The following PEAR1 variants were observed in gnomAD, a reference collection of about 807,000 sequenced individuals.
PEAR1 encodes the protein platelet endothelial aggregation receptor 1.
In PEAR1, 113 loss-of-function variants were observed where a neutral mutation model predicts 131.2. The ratio of observed to expected loss-of-function variants is 0.86; its 90% CI spans 0.74 to 1.01. PEAR1 has a LOEUF of 1.01. Ranked by LOEUF, PEAR1 falls within the 50% of genes least tolerant of loss-of-function variation. PEAR1 has a pLI of 0.00. For missense variants in PEAR1, 1,408 were observed against 1,391.1 expected, an observed-to-expected ratio of 1.01 and a Z score of -0.19; for synonymous variants, 565 against 523.3, an observed-to-expected ratio of 1.08 and a Z score of -1.09.
intron 1 of PEAR1, among the ~76,000 whole-genome samples, 163 bp downstream of exon 1, chr1:156,894,000 C>T (rs906508080): frequency 4.6e-5 from 7 of 152,042 alleles, no homozygotes; most frequent in African/African-American, 1.7e-4. Context: ...TGGAGAGAGA[C>T]GTGAAGGAGG....
In PEAR1 at chr1:156,912,161, TA is replaced by T. The variant is rs1651279476; in HGVS notation, c.1952-83del. ...GTGCCCAGGGAGACCAAAGCTGAGC[TA>T]AAGGCTTCAGTGATGCTGGGGGCTG... On this transcript the variant is annotated intron_variant, in intron 15 of 22. Coordinates refer to ENST00000292357, the MANE Select transcript of PEAR1 (RefSeq NM_001080471.3). 4 of 1,507,978 alleles carry T rather than the reference TA, an allele frequency of 2.7e-6. No individual in the cohort carries two copies. In the Admixed American group the frequency reaches 8.7e-5, roughly 33 times the overall value. The allele number at this position is 1,507,978 out of a possible 1,614,324, so 93.4% of individuals were successfully genotyped here.
chr1:156,909,910 G>A lies in PEAR1; in HGVS notation c.1571G>A (p.Cys524Tyr). The A allele has an allele frequency of 6.2e-7, 1 of 1,609,228 alleles. No individual in the cohort carries two copies. The highest frequency in any genetic ancestry group is 2.2e-5 in the East Asian group (1 of 44,790). ...CATGGGGCCCACTGCCAGCTGCCCT[G>A]TCCGGTGAGTGCTGGACAGCCTGTC... ...GWHGAHCQLP[C>Y]PKGQFGEGCA... Residue 524 changes from cysteine (C) to tyrosine (Y), a missense_variant, in exon 12 of 23, where the codon TGT becomes TAT. Physicochemically the swap from Cys to Tyr is radical, Grantham distance 194 (BLOSUM62 -2). Transcript: ENST00000292357.
Position 156,908,691 on chromosome 1 carries a change from G to C in PEAR1, c.1152G>C (p.Pro384=). The part of the protein sequence containing the change: ...HPMNGECSCL[P]GWAGLHCNES... Reference sequence around the variant, plus strand: ...TGAACGGGGAGTGCTCCTGCCTGCCGGGCTGGGCGGGCCTCCACTGCAACG... The same window carrying C: ...TGAACGGGGAGTGCTCCTGCCTGCCCGGCTGGGCGGGCCTCCACTGCAACG... Residue 384 remains proline (P), a synonymous_variant, in exon 10 of 23, where the codon CCG becomes CCC. Coordinates refer to ENST00000292357, the MANE Select transcript of PEAR1 (RefSeq NM_001080471.3). This position sits in a 1 kb window ranked among gnomAD's most constrained non-coding sequence, Gnocchi z 4.2. The C allele has an allele frequency of 6.5e-7, 1 of 1,537,118 alleles. No homozygotes were observed. The highest frequency in any genetic ancestry group is 8.7e-7 in the Non-Finnish European group (1 of 1,146,494).
chr1:156,913,490 C>T lies in PEAR1; in HGVS notation c.2611C>T (p.Arg871Cys), dbSNP rs200413468. Residue 871 changes from arginine to cysteine, a missense_variant, in exon 20 of 23, where the codon CGC (arginine) becomes TGC (cysteine). Physicochemically the swap from Arg to Cys is radical, Grantham distance 180. Coordinates refer to ENST00000292357, the MANE Select transcript of PEAR1 (RefSeq NM_001080471.3). ...CACCCTGCCTGCTGACTGGAAGCACCGCCGGGAGCCCCCTCCAGGGCCTCT... is the reference window on the plus strand; with the variant it reads ...CACCCTGCCTGCTGACTGGAAGCACTGCCGGGAGCCCCCTCCAGGGCCTCT... ...HTTLPADWKH[R>C]REPPPGPLDR... 4.3e-4 allele frequency: 687 copies of T among 1,613,150 alleles called. 7 individuals carry two copies. In the East Asian group the frequency reaches 0.014, roughly 33 times the overall value.
Position 156,910,002 on chromosome 1 carries a change from C to G in PEAR1, c.1576-4C>G, listed in dbSNP as rs1251643017. On this transcript the variant is annotated splice_polypyrimidine_tract_variant and splice_region_variant and intron_variant, in intron 12 of 22. Coordinates refer to ENST00000292357, the MANE Select transcript of PEAR1 (RefSeq NM_001080471.3). Reference sequence around the variant, plus strand: ...GCCTACCTGCTCCCCACTCCTTCTCCAAGAAGGGGCAGTTTGGAGAAGGTT... The same window carrying G: ...GCCTACCTGCTCCCCACTCCTTCTCGAAGAAGGGGCAGTTTGGAGAAGGTT... 1.9e-6 allele frequency: 3 copies of G among 1,613,390 alleles called. No homozygotes were observed. Among genetic ancestry groups the G allele is most frequent in the East Asian group, 4.5e-5 (2 of 44,906 alleles).
chr1:156,904,619 G>T lies in PEAR1; in HGVS notation c.102-129G>T, dbSNP rs1257226407. 5.4e-6 allele frequency: 5 copies of T among 931,928 alleles called. No individual in the cohort carries two copies. In the East Asian group the frequency reaches 1.2e-4, roughly 23 times the overall value. 57.7% of individuals were successfully genotyped at this position (931,928 alleles called of 1,614,324 possible). ...GGACAGGATGGGGGTCCCATCCTAG[G>T]CTACGAGAGCAGCCCCAGCGTTGGG... On this transcript the variant is annotated intron_variant, in intron 2 of 22. Transcript: ENST00000292357.
intron 2 of PEAR1, among the ~76,000 whole-genome samples, chr1:156,904,372 C>T (rs923147161): frequency 9.9e-5 from 15 of 152,082 alleles, no homozygotes; most frequent in African/African-American, 1.4e-4. Flanking sequence ...GGAAACAGGG[C>T]GGGGAGAAAA....
rs1460361834 is a variant in PEAR1 at position 156,913,302 on chromosome 1, G to A, written c.2511+20G>A. The A allele has an allele frequency of 1.3e-6, 2 of 1,598,334 alleles. No individual in the cohort carries two copies. The highest frequency in any genetic ancestry group is 1.7e-5 in the Admixed American group (1 of 58,830). On this transcript the variant is annotated intron_variant, in intron 19 of 22. Coordinates refer to ENST00000292357, the MANE Select transcript of PEAR1 (RefSeq NM_001080471.3). The stretch of plus-strand genomic sequence containing the variant: ...AACAAGGTCAGTGCCGGGGGAGGGG[G>A]TGCACTGTGGAGGGAAGCGCACAGA...
In PEAR1 at chr1:156,906,432, A is replaced by G. The variant is rs911652715; in HGVS notation, c.400+64A>G. On this transcript the variant is annotated intron_variant, in intron 5 of 22. Coordinates refer to ENST00000292357, the MANE Select transcript of PEAR1 (RefSeq NM_001080471.3). ...CTTCAGGGCCACAGGACCCTCAGGT[A>G]CACCCTCCCTACCAGGGCACAGGGG... is the stretch of plus-strand genomic sequence containing the variant. The G allele has an allele frequency of 2.8e-5, 44 of 1,585,750 alleles. No homozygotes were observed. In the African/African-American group the frequency reaches 3.6e-4, roughly 13 times the overall value.
In PEAR1 at chr1:156,908,009, T is replaced by TCAC. The variant is rs1650554870; in HGVS notation, c.861_863dup (p.Thr288dup). 6.4e-7 allele frequency: 1 copy of TCAC among 1,557,964 alleles called. No homozygotes were observed. Among genetic ancestry groups the TCAC allele is most frequent in the African/African-American group, 1.4e-5 (1 of 73,276 alleles). On this transcript the variant is annotated inframe_insertion, in exon 8 of 23. Coordinates refer to ENST00000292357, the MANE Select transcript of PEAR1 (RefSeq NM_001080471.3). This position sits in a 1 kb window ranked among gnomAD's most constrained non-coding sequence, Gnocchi z 4.2. ...CACAACGGCGGCCTCTGTGACCGAT[T>TCAC]CACTGGGCAGTGCCGCTGCGCTCCG...
chr1:156,910,414 C>A, intron 14 of PEAR1, 34 bp downstream of exon 14: 1 of 1,561,940 alleles, frequency 6.4e-7, no homozygotes, highest in Non-Finnish European at 8.7e-7. Context: ...CACCTGCCAC[C>A]AGCAGGGGGC....
In PEAR1 at chr1:156,902,233, C is replaced by A. The variant is rs574588494; in HGVS notation, c.-9-1685C>A. On this transcript the variant is annotated intron_variant, in intron 1 of 22. Coordinates refer to ENST00000292357, the MANE Select transcript of PEAR1 (RefSeq NM_001080471.3). The surrounding 1 kb of genome is among the most constrained non-coding windows in gnomAD (Gnocchi z 4.3). ...GGATCCCCCAGGACATTCCCTGGCCCCCAGGCCCCAGGTCCCAGGCCCCAG... is the reference window on the plus strand; with the variant it reads ...GGATCCCCCAGGACATTCCCTGGCCACCAGGCCCCAGGTCCCAGGCCCCAG... 1 of 152,544 alleles carries A rather than the reference C, an allele frequency of 6.6e-6. No homozygotes were observed. The highest frequency in any genetic ancestry group is 1.9e-4 in the East Asian group (1 of 5,180). The allele number at this position is 152,544 out of a possible 1,614,324, so 9.4% of individuals were successfully genotyped here.
chr1:156,909,025 T>A lies in PEAR1; in HGVS notation c.1400T>A (p.Val467Asp), dbSNP rs1372214105. 1 of 1,613,860 alleles carries A rather than the reference T, an allele frequency of 6.2e-7. No homozygotes were observed. The highest frequency in any genetic ancestry group is 8.5e-7 in the Non-Finnish European group (1 of 1,180,006). ...IACSPIDGECVCKEGWQRGNC... is the reference protein window; with the variant it reads ...IACSPIDGECDCKEGWQRGNC... ...TGCTCACCCATCGACGGCGAGTGCG[T>A]CTGCAAGGAAGGTAATAGGGTGGAG... The change falls in exon 11 of 23, where the codon GTC (valine) becomes GAC (aspartate). Residue 467 changes from valine to aspartate, a missense_variant. Transcript: ENST00000292357.
intron 15 of PEAR1, among the ~76,000 whole-genome samples, chr1:156,911,238 C>T (rs1489488376): frequency 4.4e-4 from 41 of 94,240 alleles, no homozygotes; most frequent in Admixed American, 1.2e-3. Flanking sequence ...TCTTTCTTTT[C>T]TTTCTTCTTT....
chr1:156,913,968 A>G lies in PEAR1; in HGVS notation c.2830A>G (p.Met944Val). The G allele has an allele frequency of 1.9e-6, 3 of 1,613,946 alleles. No individual in the cohort carries two copies. Among genetic ancestry groups the G allele is most frequent in the Non-Finnish European group, 2.5e-6 (3 of 1,179,960 alleles). ...AGGGGGCCCCCGGGAGAGCAGCTACATGGAGATGAAAGGCCCTCCCTCAGG... is the reference window on the plus strand; with the variant it reads ...AGGGGGCCCCCGGGAGAGCAGCTACGTGGAGATGAAAGGCCCTCCCTCAGG... ...LPGGPRESSY[M>V]EMKGPPSGSP... The change falls in exon 22 of 23, where the codon ATG (methionine) becomes GTG (valine). Residue 944 changes from methionine to valine, a missense_variant. Coordinates refer to ENST00000292357, the MANE Select transcript of PEAR1 (RefSeq NM_001080471.3).
chr1:156,911,272 T>G (rs1046875852), intron 15 of PEAR1, among the ~76,000 whole-genome samples: 1 of 142,284 alleles, frequency 7.0e-6, no homozygotes, highest in Non-Finnish European at 1.5e-5. Context: ...TCTCCCTCCC[T>G]CTCTCTTTCT....
intron 15 of PEAR1, 101 bp downstream of exon 15, chr1:156,910,844 G>T (rs1650987598): frequency 1.3e-6 from 2 of 1,513,744 alleles, no homozygotes; most frequent in African/African-American, 1.4e-5. Context: ...AAAGCCTCTG[G>T]GCCCACCTTG....
Position 156,912,227 on chromosome 1 carries a change from A to G in PEAR1, c.1952-20A>G. 1 of 1,597,620 alleles carries G rather than the reference A, an allele frequency of 6.3e-7. No homozygotes were observed. Among genetic ancestry groups the G allele is most frequent in the Non-Finnish European group, 8.5e-7 (1 of 1,173,014 alleles). ...AAAAGCTGTACCTGCCCCACCAGACAGGCCCCATGTCTCCCGTAGCATGCC... is the reference window on the plus strand; with the variant it reads ...AAAAGCTGTACCTGCCCCACCAGACGGGCCCCATGTCTCCCGTAGCATGCC... On this transcript the variant is annotated intron_variant, in intron 15 of 22. Coordinates refer to ENST00000292357, the MANE Select transcript of PEAR1 (RefSeq NM_001080471.3).
intron 1 of PEAR1, among the ~76,000 whole-genome samples, chr1:156,896,901 G>A (rs948823047): frequency 1.5e-4 from 23 of 152,204 alleles, no homozygotes; most frequent in African/African-American, 5.5e-4. Flanking sequence ...GCTTTGTAAC[G>A]TTGAAAAGTT....
Sources: allele counts gnomAD v4.1 joint callset (sites outside exome capture counted in the v4.1 genomes callset), GRCh38; gene constraint gnomAD v4.1.1; non-coding constraint Gnocchi (gnomAD v3.1); transcripts MANE v1.5; gene names NCBI Gene and HGNC (gene_info 2026-07-23, HGNC 2026-07-21).